PDSS2: variants seen among roughly 807,000 people sequenced by gnomAD.
PDSS2 encodes all trans-polyprenyl-diphosphate synthase PDSS2.
Under a neutral mutation model 44.5 loss-of-function variants are expected in PDSS2, and 31 were observed. The observed-to-expected ratio is 0.70, with a 90% CI of 0.52 to 0.94. The LOEUF (loss-of-function observed/expected upper bound fraction) is 0.94, where lower values mean the gene tolerates loss of function less well. Ranked by LOEUF, PDSS2 falls within the 40% of genes least tolerant of loss-of-function variation. The pLI is 0.00. For missense variants in PDSS2, 452 were observed against 482.2 expected, an observed-to-expected ratio of 0.94 and a Z score of 0.59; for synonymous variants, 157 against 180.3, an observed-to-expected ratio of 0.87 and a Z score of 1.03.
chr6:107,299,424 C>T lies in PDSS2; in HGVS notation c.432-25197G>A, dbSNP rs1016751967. ...AAATACACTGGTTTCCAAAGGAACC[C>T]GAAAATCCAGGAGACAACGCTAGCT... On this transcript the variant is annotated intron_variant, in intron 2 of 7. Transcript: ENST00000369037. 2.0e-5 allele frequency among the ~76,000 whole-genome samples: 3 copies of T among 151,994 alleles called. No individual in the cohort carries two copies. The South Asian group carries it at 6.2e-4, about 31-fold the overall frequency.
chr6:107,191,092 C>T (rs574188312), intron 7 of PDSS2, among the ~76,000 whole-genome samples: 34 of 152,098 alleles, frequency 2.2e-4, no homozygotes, highest in Non-Finnish European at 4.4e-4. Flanking sequence ...GGGGTTTCAC[C>T]GTGTTAGCCA....
rs141199993 is a variant in PDSS2 at position 107,459,477 on chromosome 6, A to T, written c.-192T>A. 2.9e-4 allele frequency: 179 copies of T among 607,006 alleles called. No homozygotes were observed. The East Asian group carries it at 4.9e-3, about 17-fold the overall frequency. The allele number at this position is 607,006 out of a possible 1,614,324, so 37.6% of individuals were successfully genotyped here. A position where few individuals can be genotyped will look rare whatever the true frequency, so the allele number is the denominator to read the frequency against. ...GCTTTCTGCAGCCCAGGCTGGGCAA[A>T]CAACAGTCCCAGCTCAGCACTGCCC... On this transcript the variant is annotated 5_prime_UTR_variant, in exon 1 of 8. Transcript: ENST00000369037. This position sits in a 1 kb window ranked among gnomAD's most constrained non-coding sequence, Gnocchi z 4.3.
rs552463095 is a variant in PDSS2, at chr6:107,371,194, A to G, written c.297-36862T>C. The stretch of plus-strand genomic sequence containing the variant: ...AAACTCTGTCTCAAAGTAAAAAAAA[A>G]AAAAAGTCAACCACTGGAAGCCAAA... On this transcript the variant is annotated intron_variant, in intron 1 of 7. Coordinates refer to ENST00000369037, the MANE Select transcript of PDSS2 (RefSeq NM_020381.4). Among the ~76,000 whole-genome samples, 24 of 152,230 alleles carry G rather than the reference A, an allele frequency of 1.6e-4. No individual in the cohort carries two copies. The East Asian group carries it at 4.2e-3, about 27-fold the overall frequency.
At chr6:107,458,024 G>A (rs1378108631) in intron 1 of PDSS2, among the ~76,000 whole-genome samples, 1 of 152,072 alleles carries the variant, frequency 6.6e-6, no homozygotes, top group Non-Finnish European at 1.5e-5. Context: ...ATATATCTGT[G>A]TGTATATGTA....
intron 1 of PDSS2, among the ~76,000 whole-genome samples, chr6:107,413,969 C>T (rs188314159): frequency 1.6e-4 from 22 of 136,058 alleles, no homozygotes; most frequent in African/African-American, 3.8e-4. Context: ...ATAGGCCTGC[C>T]ACAGAGGCAG....
intron 6 of PDSS2, among the ~76,000 whole-genome samples, chr6:107,196,586 A>T (rs1397571830): frequency 6.6e-6 from 1 of 152,238 alleles, no homozygotes; most frequent in African/African-American, 2.4e-5. Context: ...TTCAAATGAC[A>T]CTAGGATATT....
At chr6:107,250,484 T>C (rs1774779999) in intron 3 of PDSS2, among the ~76,000 whole-genome samples, 1 of 152,182 alleles carries the variant, frequency 6.6e-6, no homozygotes. Flanking sequence ...TGCATTACAC[T>C]ATTTCCCTCT....
At position 107,429,427 on chromosome 6, in the gene PDSS2, A is replaced by T. The variant is rs562970917; in HGVS notation, c.296+29563T>A. Among the ~76,000 whole-genome samples, 14 of 152,324 alleles carry T rather than the reference A, an allele frequency of 9.2e-5. No homozygotes were observed. The South Asian group carries it at 2.9e-3, about 32-fold the overall frequency. On this transcript the variant is annotated intron_variant, in intron 1 of 7. Coordinates refer to ENST00000369037, the MANE Select transcript of PDSS2 (RefSeq NM_020381.4). ...ATACAGTGAGATTTCAAGGTTTGGT[A>T]GACATACAAAGAGGCAGGTATCTTG...
intron 1 of PDSS2, among the ~76,000 whole-genome samples, chr6:107,406,550 T>C (rs956832670): frequency 9.9e-5 from 15 of 152,204 alleles, no homozygotes; most frequent in African/African-American, 3.6e-4. Flanking sequence ...AATCTGATGA[T>C]AAAAAGTATG....
intron 6 of PDSS2, among the ~76,000 whole-genome samples, chr6:107,207,978 G>GTTT (rs756043067): frequency 0.043 from 2,868 of 67,414 alleles, 183 homozygotes; most frequent in Middle Eastern, 0.12. Flanking sequence ...TCTATGACTT[G>GTTT]TTTTTTTTTT....
rs1772157441 is a variant in PDSS2 at position 107,186,183 on chromosome 6, T to C, written c.1041+7639A>G. ...AGGGAGAGATGTAATGAATTAATAG[T>C]TGTCAAGTGCTTTGATATCTTAGGA... is the stretch of plus-strand genomic sequence containing the variant. On this transcript the variant is annotated intron_variant, in intron 7 of 7. Coordinates refer to ENST00000369037, the MANE Select transcript of PDSS2 (RefSeq NM_020381.4). Among the ~76,000 whole-genome samples the C allele has an allele frequency of 2.6e-5, 4 of 152,200 alleles. No individual in the cohort carries two copies. The South Asian group carries it at 8.3e-4, about 32-fold the overall frequency.
chr6:107,440,631 C>T (rs1781486366), intron 1 of PDSS2, among the ~76,000 whole-genome samples: 1 of 152,206 alleles, frequency 6.6e-6, no homozygotes, highest in South Asian at 2.1e-4. Flanking sequence ...GGAAAGAATG[C>T]TTCCACCAGG....
At chr6:107,413,498 T>A (rs930285180) in intron 1 of PDSS2, among the ~76,000 whole-genome samples, 6 of 152,218 alleles carry the variant, frequency 3.9e-5, no homozygotes, top group African/African-American at 1.4e-4. Flanking sequence ...ATTATGCCAC[T>A]GTACTTCACC....
chr6:107,242,486 C>T (rs530025875), intron 4 of PDSS2, among the ~76,000 whole-genome samples: 2 of 152,118 alleles, frequency 1.3e-5, no homozygotes, highest in African/African-American at 2.4e-5. Context: ...CCTCGTGATC[C>T]GCCTGCCTTG....
At chr6:107,172,359 C>T (rs1285772988) in intron 7 of PDSS2, among the ~76,000 whole-genome samples, 1 of 152,152 alleles carries the variant, frequency 6.6e-6, no homozygotes, top group Non-Finnish European at 1.5e-5. Flanking sequence ...GTGGAGGCAG[C>T]AGCCACTTCT....
intron 6 of PDSS2, chr6:107,197,972 G>A (rs1772626724): frequency 2.1e-6 from 1 of 467,520 alleles, no homozygotes; most frequent in Non-Finnish European, 4.5e-6. Context: ...GCTGCATTGA[G>A]CCACCTCCCA....
At chr6:107,273,812 A>C (rs996271233) in intron 3 of PDSS2, among the ~76,000 whole-genome samples, 1 of 152,160 alleles carries the variant, frequency 6.6e-6, no homozygotes, top group Non-Finnish European at 1.5e-5. Flanking sequence ...AATTTCATCC[A>C]TAATCAGAAA....
At chr6:107,448,638 C>T (rs781607522) in intron 1 of PDSS2, among the ~76,000 whole-genome samples, 4 of 152,234 alleles carry the variant, frequency 2.6e-5, no homozygotes, top group Non-Finnish European at 4.4e-5. Context: ...TCTGAGCCCT[C>T]CCAACTGTTC....
At chr6:107,165,840 T>C (rs1160127867) in intron 7 of PDSS2, among the ~76,000 whole-genome samples, 4 of 152,188 alleles carry the variant, frequency 2.6e-5, no homozygotes, top group African/African-American at 9.6e-5. Context: ...TTTTATTTCG[T>C]TGAGCAGTGG....
Sources: allele counts gnomAD v4.1 joint callset (sites outside exome capture counted in the v4.1 genomes callset), GRCh38; gene constraint gnomAD v4.1.1; non-coding constraint Gnocchi (gnomAD v3.1); transcripts MANE v1.5; gene names NCBI Gene and HGNC (gene_info 2026-07-23, HGNC 2026-07-21).